The following SVIL variants were observed in gnomAD, a reference collection of about 807,000 sequenced individuals.
The protein encoded by SVIL is archvillin.
SVIL carries 101 observed loss-of-function variants against 240.4 expected under a neutral mutation model. The ratio of observed to expected loss-of-function variants is 0.42; its 90% CI spans 0.36 to 0.50. SVIL has a LOEUF of 0.50. Ranked by LOEUF, SVIL falls within the 20% of genes least tolerant of loss-of-function variation. SVIL has a pLI of 0.01. For synonymous variants in SVIL, 999 were observed against 1,100.0 expected, an observed-to-expected ratio of 0.91 and a Z score of 1.82; for missense variants, 2,512 against 2,818.7, an observed-to-expected ratio of 0.89 and a Z score of 2.46.
intron 17 of SVIL, among the ~76,000 whole-genome samples, chr10:29,509,146 C>A (rs1284002058): frequency 1.3e-5 from 2 of 152,112 alleles, no homozygotes; most frequent in African/African-American, 4.8e-5. Flanking sequence ...CAGACCAGAC[C>A]AAATCCACAA....
chr10:29,529,546 T>TAGAG (rs1951203323), intron 12 of SVIL, among the ~76,000 whole-genome samples, 159 bp downstream of exon 12: 1 of 152,246 alleles, frequency 6.6e-6, no homozygotes, highest in African/African-American at 2.4e-5. Context: ...TTACAAAGTT[T>TAGAG]AGAGAGACCA....
chr10:29,621,693 C>T (rs1180207079), intron 1 of SVIL, among the ~76,000 whole-genome samples: 1 of 152,216 alleles, frequency 6.6e-6, no homozygotes, highest in East Asian at 1.9e-4. Flanking sequence ...AGGTCCACGA[C>T]CTGGGGGTCT....
At chr10:29,686,970 T>A (rs1284295909) in intron 1 of SVIL, among the ~76,000 whole-genome samples, 2 of 152,094 alleles carry the variant, frequency 1.3e-5, no homozygotes, top group African/African-American at 4.8e-5. Flanking sequence ...TTTAAAAAAA[T>A]CTCAAGACCC....
intron 16 of SVIL, among the ~76,000 whole-genome samples, chr10:29,517,878 G>A (rs58768027): frequency 1.3e-5 from 2 of 152,188 alleles, no homozygotes; most frequent in Non-Finnish European, 2.9e-5. Context: ...TACTCTTTAA[G>A]CAATAGCAAA....
At chr10:29,498,104 AAAAAAAAAAAAAAG>A (rs1948595667) in intron 18 of SVIL, among the ~76,000 whole-genome samples, 1 of 139,136 alleles carries the variant, frequency 7.2e-6, no homozygotes, top group Non-Finnish European at 1.5e-5. Flanking sequence ...AAAAAAAAAA[AAAAAAAAAAAAAAG>A]AAAAAAGTAA....
At chr10:29,690,826 G>T (rs1332676937) in intron 1 of SVIL, among the ~76,000 whole-genome samples, 1 of 152,186 alleles carries the variant, frequency 6.6e-6, no homozygotes, top group Non-Finnish European at 1.5e-5. Flanking sequence ...ATTGTGATTA[G>T]TTCCATCATC....
At chr10:29,676,395 C>T (rs28625734) in intron 2 of SVIL, among the ~76,000 whole-genome samples, 42 of 126,276 alleles carry the variant, frequency 3.3e-4, no homozygotes, top group Admixed American at 9.7e-4. Context: ...TGTGTGTGTG[C>T]GCACACGCAC....
chr10:29,480,306 A>C (rs1443708405), intron 29 of SVIL, among the ~76,000 whole-genome samples: 2 of 152,168 alleles, frequency 1.3e-5, no homozygotes, highest in Non-Finnish European at 2.9e-5. Flanking sequence ...GTGCAAGTTC[A>C]ATTTCTACAG....
intron 1 of SVIL, among the ~76,000 whole-genome samples, chr10:29,717,844 A>T (rs527824301): frequency 3.3e-5 from 5 of 152,330 alleles, no homozygotes; most frequent in Non-Finnish European, 5.9e-5. Context: ...TAAATTTTAT[A>T]AAAGCTAAAT....
chr10:29,671,614 T>A (rs1959780939), intron 2 of SVIL, among the ~76,000 whole-genome samples: 1 of 152,246 alleles, frequency 6.6e-6, no homozygotes, highest in Non-Finnish European at 1.5e-5. Flanking sequence ...ACTAACCAGC[T>A]GTTTCTGCGT....
At position 29,533,230 on chromosome 10, in the gene SVIL, T is replaced by C. The variant is rs7076239; in HGVS notation, c.1137A>G (p.Leu379=). ...CATTTTCTGGGGTTTCTGGCGTCAC[T>C]AGCTTGGCGGTGTGACCGGTATCTG... ...QPADTGHTAK[L]VTPETPENAS... is the part of the protein sequence containing the mutation. Residue 379 remains leucine (L), a synonymous_variant, in exon 8 of 38, where the codon CTA becomes CTG. Transcript: ENST00000355867. 668,023 of 1,613,822 alleles carry C rather than the reference T, an allele frequency of 0.41. 142,294 individuals are homozygous for C. The highest frequency in any genetic ancestry group is 0.44 in the Non-Finnish European group (518,645 of 1,179,942).
At chr10:29,555,139 A>T (rs1273011439) in intron 3 of SVIL, 31 bp from the exon 4 acceptor site, 2 of 1,562,458 alleles carry the variant, frequency 1.3e-6, no homozygotes, top group Non-Finnish European at 1.7e-6. Flanking sequence ...AACAAAATAT[A>T]GTATTTAGTA....
At chr10:29,736,297 A>T (rs34982281), upstream of SVIL, among the ~76,000 whole-genome samples, 4,582 of 152,182 alleles carry the variant, frequency 0.03, 84 homozygotes, top group East Asian at 0.079. Context: ...GGAAAGGCAG[A>T]TTTTACTTTG....
chr10:29,533,157 G>T lies in SVIL; in HGVS notation c.1210C>A (p.Pro404Thr). The T allele has an allele frequency of 3.7e-6, 6 of 1,614,146 alleles. No individual in the cohort carries two copies. Among genetic ancestry groups the T allele is most frequent in the Non-Finnish European group, 5.1e-6 (6 of 1,180,034 alleles). Residue 404 changes from proline to threonine, a missense_variant, in exon 8 of 38, where the codon CCT becomes ACT. By Grantham distance (38) the Pro-to-Thr change is conservative (BLOSUM62 -1). Coordinates refer to ENST00000355867, the MANE Select transcript of SVIL (RefSeq NM_021738.3). The stretch of plus-strand genomic sequence containing the variant: ...CCTTCTAGAACCGTCAAGCTGGGAG[G>T]TTTGGGGACATTCTGGGTGGCTGAT... ...VASATQNVPK[P>T]PSLTVLEGDG...
chr10:29,530,779 A>G (rs1056049531), intron 10 of SVIL, 111 bp from the exon 11 acceptor site: 121 of 1,157,034 alleles, frequency 1.0e-4, no homozygotes, highest in Non-Finnish European at 1.4e-4. Context: ...CAATAGGTGC[A>G]CTAAAATAAT....
intron 1 of SVIL, among the ~76,000 whole-genome samples, chr10:29,575,841 T>C (rs1955670905): frequency 6.6e-6 from 1 of 152,172 alleles, no homozygotes; most frequent in Admixed American, 6.5e-5. Flanking sequence ...TTACCTAGGA[T>C]TGATTTTTTT....
chr10:29,627,728 A>G lies in SVIL; in HGVS notation c.-201+6692T>C, dbSNP rs533118722. Among the ~76,000 whole-genome samples, 25 of 152,328 alleles carry G rather than the reference A, an allele frequency of 1.6e-4. No homozygotes were observed. In the South Asian group the frequency reaches 5.0e-3, roughly 30 times the overall value. ...ATACAAATCCAAATTAATAAATTCCATCTCAAATGGGAGAATCCTGTGTTG... is the reference window on the plus strand; with the variant it reads ...ATACAAATCCAAATTAATAAATTCCGTCTCAAATGGGAGAATCCTGTGTTG... On this transcript the variant is annotated intron_variant, in intron 1 of 37. Transcript: ENST00000355867.
chr10:29,641,978 A>C (rs1958500000), intron 3 of SVIL, among the ~76,000 whole-genome samples: 1 of 152,194 alleles, frequency 6.6e-6, no homozygotes. Flanking sequence ...GGAACCTCCT[A>C]TCCTCCCTCC....
intron 1 of SVIL, among the ~76,000 whole-genome samples, chr10:29,718,076 C>T (rs1963737821): frequency 6.6e-6 from 1 of 152,024 alleles, no homozygotes; most frequent in East Asian, 1.9e-4. Flanking sequence ...ACCTGTAATC[C>T]CAGCACTTTG....
Sources: gnomAD v4.1 joint callset for allele counts (sites outside exome capture counted in the v4.1 genomes callset) on GRCh38, gnomAD v4.1.1 for gene constraint, MANE v1.5 for transcripts, NCBI Gene and HGNC (gene_info 2026-07-23, HGNC 2026-07-21) for gene names.